Variants in AACS observed in about 807,000 individuals in gnomAD.
The protein encoded by AACS is acetoacetate-CoA ligase.
Under a neutral mutation model 83.1 loss-of-function variants are expected in AACS, and 69 were observed. The ratio of observed to expected loss-of-function variants is 0.83; its 90% CI spans 0.68 to 1.01. AACS has a LOEUF of 1.01. AACS is among the 50% of genes least tolerant of loss of function. The pLI, the probability that AACS is intolerant of heterozygous loss-of-function variation, is 0.00. For missense variants in AACS, 866 were observed against 882.2 expected, an observed-to-expected ratio of 0.98 and a Z score of 0.23; for synonymous variants, 333 against 343.4, an observed-to-expected ratio of 0.97 and a Z score of 0.33.
chr12:125,104,089 C>G (rs1359411851), intron 7 of AACS, among the ~76,000 whole-genome samples: 1 of 146,152 alleles, frequency 6.8e-6, no homozygotes, highest in East Asian at 2.1e-4. Flanking sequence ...CTGAATTCTT[C>G]CCAAAGTTCT....
chr12:125,102,844 T>A, intron 6 of AACS, 51 bp downstream of exon 6: 1 of 1,551,012 alleles, frequency 6.4e-7, no homozygotes, highest in Non-Finnish European at 8.9e-7. Context: ...TGTGTGTGGG[T>A]ACATAAGAGT....
intron 7 of AACS, among the ~76,000 whole-genome samples, chr12:125,103,760 A>G (rs1451629859): frequency 2.6e-5 from 4 of 152,004 alleles, no homozygotes; most frequent in Non-Finnish European, 5.9e-5. Context: ...AGGCCGAGGC[A>G]GGCGGATCAC....
chr12:125,107,876 T>C (rs755421913), intron 8 of AACS, among the ~76,000 whole-genome samples: 3 of 152,046 alleles, frequency 2.0e-5, no homozygotes, highest in Non-Finnish European at 4.4e-5. Context: ...AGTGGGACAA[T>C]TGCCTGAACC....
intron 13 of AACS, chr12:125,128,745 C>T (rs189498768): frequency 1.0e-4 from 16 of 155,328 alleles, no homozygotes; most frequent in Admixed American, 9.0e-4. Context: ...AAGATGCATA[C>T]GTGCCCTGTG....
Position 125,142,912 on chromosome 12 carries a change from T to C in AACS, c.*683T>C, listed in dbSNP as rs1957524417. The C allele has an allele frequency of 6.6e-6, 1 of 152,286 alleles. No homozygotes were observed. Among genetic ancestry groups the C allele is most frequent in the Admixed American group, 6.5e-5 (1 of 15,294 alleles). The allele number at this position is 152,286 out of a possible 1,614,324, so 9.4% of individuals were successfully genotyped here. On this transcript the variant is annotated 3_prime_UTR_variant, in exon 18 of 18. Transcript: ENST00000316519. ...CAGACTGAATGGCTTTACATGTTTC[T>C]AATGTGAATTAGGCATGTGAAGCAG...
intron 8 of AACS, among the ~76,000 whole-genome samples, chr12:125,110,265 G>T (rs1432393024): frequency 6.7e-6 from 1 of 150,048 alleles, no homozygotes; most frequent in Non-Finnish European, 1.5e-5. Flanking sequence ...TAGAGACGGG[G>T]TTTCACTATG....
intron 12 of AACS, 103 bp downstream of exon 12, chr12:125,125,127 T>G: frequency 6.5e-7 from 1 of 1,535,998 alleles, no homozygotes; most frequent in South Asian, 1.2e-5. Flanking sequence ...CACAGTCCGC[T>G]GGGCAGCCAA....
At chr12:125,117,285 G>A (rs1957071347) in intron 9 of AACS, among the ~76,000 whole-genome samples, 1 of 152,052 alleles carries the variant, frequency 6.6e-6, no homozygotes, top group Admixed American at 6.5e-5. Flanking sequence ...GTGGTGGTGG[G>A]CACCTGTAAT....
chr12:125,129,320 A>G lies in AACS; in HGVS notation c.1424-15A>G. ...GTGGTGTGTGTTGGGCTTATTTTTA[A>G]TTCTCCCATACCAGGAAAGGCGGTC... On this transcript the variant is annotated splice_polypyrimidine_tract_variant and intron_variant, in intron 13 of 17. Transcript: ENST00000316519. The surrounding 1 kb of genome is among the most constrained non-coding windows in gnomAD (Gnocchi z 4.3). 2.5e-6 allele frequency: 4 copies of G among 1,607,094 alleles called. No homozygotes were observed. The highest frequency in any genetic ancestry group is 3.4e-6 in the Non-Finnish European group (4 of 1,177,446).
chr12:125,126,370 C>T (rs958815335), intron 12 of AACS: 2 of 152,186 alleles, frequency 1.3e-5, no homozygotes, highest in South Asian at 4.1e-4. Flanking sequence ...TCATGGCTGC[C>T]GTCCCCCTTC....
chr12:125,077,585 T>C (rs12426721), intron 3 of AACS, among the ~76,000 whole-genome samples: 22,823 of 152,098 alleles, frequency 0.15, 2,020 homozygotes, highest in East Asian at 0.24. Flanking sequence ...TCTTGTAATG[T>C]AAGACTCAGA....
intron 4 of AACS, among the ~76,000 whole-genome samples, chr12:125,090,450 C>A (rs2136074198): frequency 6.6e-6 from 1 of 151,662 alleles, no homozygotes; most frequent in East Asian, 1.9e-4. Flanking sequence ...ACCATCCATC[C>A]AACTATCCAT....
intron 4 of AACS, among the ~76,000 whole-genome samples, chr12:125,089,532 G>C (rs931575581): frequency 1.3e-5 from 2 of 152,134 alleles, no homozygotes; most frequent in Non-Finnish European, 2.9e-5. Flanking sequence ...CCCTGCCTCT[G>C]TTGTCATGAA....
At chr12:125,111,247 G>A (rs766474136) in intron 8 of AACS, among the ~76,000 whole-genome samples, 2 of 147,840 alleles carry the variant, frequency 1.4e-5, no homozygotes, top group African/African-American at 5.0e-5. Context: ...TTGCACCTGG[G>A]TGCAGGTCTG....
intron 5 of AACS, among the ~76,000 whole-genome samples, chr12:125,096,909 G>T (rs1008442655): frequency 6.6e-6 from 1 of 152,042 alleles, no homozygotes. Flanking sequence ...GGTCTAGGGG[G>T]TGAAGACTTC....
At chr12:125,102,379 C>G (rs552706135) in intron 5 of AACS, 201 of 307,194 alleles carry the variant, frequency 6.5e-4, no homozygotes, top group African/African-American at 4.2e-3. Context: ...GCTACGGGTG[C>G]TGGGGACACA....
At chr12:125,078,238 C>T (rs11058029) in intron 3 of AACS, 70,875 of 456,110 alleles carry the variant, frequency 0.16, 6,297 homozygotes, top group East Asian at 0.24. Flanking sequence ...CAGTTCCCAC[C>T]GAGACTTACT....
Position 125,102,747 on chromosome 12 carries a change from T to C in AACS, c.639T>C (p.Asn213=), listed in dbSNP as rs1198733739. 6.2e-7 allele frequency: 1 copy of C among 1,614,176 alleles called. No homozygotes were observed. Among genetic ancestry groups the C allele is most frequent in the Admixed American group, 1.7e-5 (1 of 60,026 alleles). The part of the protein sequence containing the change: ...LIFSVEAVVY[N]GKEHNHMEKL... ...TCTCTGTGGAGGCTGTTGTCTATAA[T>C]GGCAAAGAGCACAACCACATGGAAA... Residue 213 remains asparagine (N), a synonymous_variant, in exon 6 of 18, where the codon AAT becomes AAC. Coordinates refer to ENST00000316519, the MANE Select transcript of AACS (RefSeq NM_023928.5).
chr12:125,072,950 TGGAG>T (rs1955915512), intron 1 of AACS, among the ~76,000 whole-genome samples: 13 of 130,180 alleles, frequency 1.0e-4, no homozygotes, highest in Admixed American at 1.6e-4. Flanking sequence ...TTTTTTGAGA[TGGAG>T]TTTCGCTCTG....
Sources: gnomAD v4.1 joint callset for allele counts (sites outside exome capture counted in the v4.1 genomes callset) on GRCh38, gnomAD v4.1.1 for gene constraint, Gnocchi (gnomAD v3.1) non-coding constraint, MANE v1.5 for transcripts, NCBI Gene and HGNC (gene_info 2026-07-23, HGNC 2026-07-21) for gene names.